The following NUP98 variants were observed in gnomAD, a reference collection of about 807,000 sequenced individuals.
NUP98 encodes the protein nuclear pore complex protein Nup98-Nup96.
In NUP98, 26 loss-of-function variants were observed where a neutral mutation model predicts 191.9. The ratio of observed to expected loss-of-function variants is 0.14; its 90% CI spans 0.10 to 0.19. The LOEUF is 0.19. Ranked by LOEUF, NUP98 falls within the 10% of genes least tolerant of loss-of-function variation. NUP98 has a pLI of 1.00. For synonymous variants in NUP98, 808 were observed against 778.4 expected (o/e 1.04, Z -0.63); for missense variants, 1,941 against 2,178.8 (o/e 0.89, Z 2.17).
intron 18 of NUP98, among the ~76,000 whole-genome samples, chr11:3,716,639 C>A (rs1048390662): frequency 6.6e-6 from 1 of 151,880 alleles, no homozygotes; most frequent in African/African-American, 2.4e-5. Flanking sequence ...AACCTGGGGG[C>A]AGAGGTTGCA....
Position 3,686,309 on chromosome 11 carries a change from T to C in NUP98, c.4455-115A>G, listed in dbSNP as rs1589956343. The C allele has an allele frequency of 7.2e-6, 6 of 835,830 alleles. No homozygotes were observed. In the East Asian group the frequency reaches 1.3e-4, roughly 18 times the overall value. The allele number at this position is 835,830 out of a possible 1,614,324, so 51.8% of individuals were successfully genotyped here. On this transcript the variant is annotated intron_variant, in intron 28 of 32. Coordinates refer to ENST00000324932, the MANE Select transcript of NUP98 (RefSeq NM_016320.5). ...AAAGAACCTGAGAGTGAAAGCATTA[T>C]AGGCCTTCTCTCCCTCTGAGCCTAT...
intron 18 of NUP98, among the ~76,000 whole-genome samples, chr11:3,716,195 T>C (rs1419740655): frequency 6.6e-6 from 1 of 152,134 alleles, no homozygotes; most frequent in African/African-American, 2.4e-5. Flanking sequence ...CTTCTAAGAG[T>C]TGTAAATTTT....
intron 28 of NUP98, among the ~76,000 whole-genome samples, chr11:3,687,219 G>A (rs1015264007): frequency 2.0e-5 from 3 of 152,052 alleles, no homozygotes; most frequent in South Asian, 2.1e-4. Flanking sequence ...TAGGCATGAC[G>A]CACCATACCT....
At chr11:3,717,144 G>A (rs999377343) in intron 18 of NUP98, among the ~76,000 whole-genome samples, 6 of 152,156 alleles carry the variant, frequency 3.9e-5, no homozygotes, top group African/African-American at 9.6e-5. Context: ...ACAGGTATGC[G>A]CCACCACGTC....
At chr11:3,737,825 C>G (rs1403147769) in intron 12 of NUP98, among the ~76,000 whole-genome samples, 1 of 151,652 alleles carries the variant, frequency 6.6e-6, no homozygotes, top group African/African-American at 2.4e-5. Context: ...CAGAGTAAAT[C>G]ATCTGTATTC....
Position 3,731,566 on chromosome 11 carries a change from T to C in NUP98, c.1555A>G (p.Thr519Ala). The C allele has an allele frequency of 1.3e-6, 2 of 1,554,540 alleles. No individual in the cohort carries two copies. The highest frequency in any genetic ancestry group is 1.7e-6 in the Non-Finnish European group (2 of 1,149,226). Residue 519 changes from threonine (T) to alanine (A), a missense_variant, in exon 14 of 33, where the codon ACA becomes GCA. By Grantham distance (58) the Thr-to-Ala change is moderately conservative (BLOSUM62 0). Coordinates refer to ENST00000324932, the MANE Select transcript of NUP98 (RefSeq NM_016320.5). ...PKKKEERLKP[T>A]NPAAQKALTT... is the part of the protein sequence containing the mutation. Reference sequence around the variant, plus strand: ...AGAGCCTTCTGGGCTGCTGGATTTGTTGGTTTCAATCTCTGAAAAACAAAA... The same window carrying C: ...AGAGCCTTCTGGGCTGCTGGATTTGCTGGTTTCAATCTCTGAAAAACAAAA...
chr11:3,695,647 T>C, intron 25 of NUP98, 41 bp from the exon 26 acceptor site: 1 of 1,391,558 alleles, frequency 7.2e-7, no homozygotes, highest in Non-Finnish European at 9.5e-7. Context: ...TACTAAGGGT[T>C]TATGGACTTC....
intron 10 of NUP98, among the ~76,000 whole-genome samples, chr11:3,757,530 G>A (rs1320189544): frequency 6.6e-6 from 1 of 151,978 alleles, no homozygotes; most frequent in East Asian, 1.9e-4. Context: ...CGAGCGTGGT[G>A]GTTCACACCT....
At chr11:3,744,686 A>T (rs2080426425) in intron 11 of NUP98, 37 bp from the exon 12 acceptor site, 1 of 1,579,240 alleles carries the variant, frequency 6.3e-7, no homozygotes, top group Non-Finnish European at 8.6e-7. Context: ...GCACCACAGA[A>T]GATCCTTTCA....
At chr11:3,706,943 T>C (rs1191452053) in intron 20 of NUP98, among the ~76,000 whole-genome samples, 1 of 152,248 alleles carries the variant, frequency 6.6e-6, no homozygotes, top group African/African-American at 2.4e-5. Flanking sequence ...TTACTTGATC[T>C]AGCTAGCAAC....
chr11:3,678,504 T>A (rs904025463), intron 31 of NUP98, among the ~76,000 whole-genome samples: 7 of 152,302 alleles, frequency 4.6e-5, no homozygotes, highest in Admixed American at 4.6e-4. Context: ...GTACTAAGTA[T>A]CTTGGTAGTA....
chr11:3,680,067 C>G (rs1359790119), intron 30 of NUP98, among the ~76,000 whole-genome samples: 1 of 152,234 alleles, frequency 6.6e-6, no homozygotes, highest in Non-Finnish European at 1.5e-5. Flanking sequence ...GAGCCTTCAG[C>G]AAGTCATCTT....
In NUP98 at chr11:3,720,796, T is replaced by C. The variant is rs2079360218; in HGVS notation, c.2176A>G (p.Thr726Ala). 1 of 1,515,034 alleles carries C rather than the reference T, an allele frequency of 6.6e-7. No individual in the cohort carries two copies. The highest frequency in any genetic ancestry group is 2.3e-5 in the East Asian group (1 of 43,492). The allele number at this position is 1,515,034 out of a possible 1,614,324, so 93.8% of individuals were successfully genotyped here. A position where few individuals can be genotyped will look rare whatever the true frequency, so the allele number is the denominator to read the frequency against. ...GCAAGGTCATCCATAGATGGAATAG[T>C]ATAGTAACCAACCTTAGTGAGAATA... ...GIILTKVGYY[T>A]IPSMDDLAKI... Residue 726 changes from threonine to alanine, a missense_variant, in exon 17 of 33, where the codon ACT (threonine) becomes GCT (alanine). Physicochemically the swap from Thr to Ala is moderately conservative, Grantham distance 58 (BLOSUM62 0). Around this residue, in one of 6 missense-constraint regions of NUP98, gnomAD observed 453 missense variants for 438.2 expected, o/e 1.03. Transcript: ENST00000324932.
At chr11:3,709,381 A>C (rs1228501054) in intron 20 of NUP98, among the ~76,000 whole-genome samples, 1 of 152,126 alleles carries the variant, frequency 6.6e-6, no homozygotes, top group Non-Finnish European at 1.5e-5. Flanking sequence ...TCCACAAAAA[A>C]TAATCACTTT....
Position 3,685,990 on chromosome 11 carries a change from C to T in NUP98, c.4659G>A (p.Leu1553=), listed in dbSNP as rs559947580. The T allele has an allele frequency of 3.6e-4, 579 of 1,613,942 alleles. 9 individuals are homozygous for T. The South Asian group carries it at 6.1e-3, about 17-fold the overall frequency. The change falls in exon 29 of 33, where the codon CTG becomes CTA. Residue 1553 remains leucine (L), a synonymous_variant. Transcript: ENST00000324932. ...GLWEWAIFVL[L]HIDNSGIREK... is the part of the protein sequence containing the mutation. ...TCACTCACCCTGAGTTGTCAATGTG[C>T]AGGAGGACAAAGATGGCCCACTCCC...
chr11:3,796,923 T>C (rs2082646870), intron 1 of NUP98, among the ~76,000 whole-genome samples: 1 of 152,218 alleles, frequency 6.6e-6, no homozygotes, highest in Non-Finnish European at 1.5e-5. Flanking sequence ...TTCTCAGATA[T>C]TATCTTAAAA....
At chr11:3,721,917 C>T (rs1478154615) in intron 16 of NUP98, among the ~76,000 whole-genome samples, 2 of 152,038 alleles carry the variant, frequency 1.3e-5, no homozygotes, top group Non-Finnish European at 2.9e-5. Flanking sequence ...CAACATCAGA[C>T]CAAACTCCAG....
chr11:3,740,887 C>T (rs1350690401), intron 12 of NUP98, among the ~76,000 whole-genome samples: 1 of 150,954 alleles, frequency 6.6e-6, no homozygotes, highest in African/African-American at 2.4e-5. Flanking sequence ...GGCGTGACGT[C>T]GGCTCGGTGC....
At chr11:3,685,923 T>C (rs1249555526) in intron 29 of NUP98, 50 bp downstream of exon 29, 4 of 1,393,612 alleles carry the variant, frequency 2.9e-6, no homozygotes, top group Non-Finnish European at 4.1e-6. Flanking sequence ...CCTTTGGAAT[T>C]GCCCTGTAGT....
Sources: gnomAD v4.1 joint callset for allele counts (sites outside exome capture counted in the v4.1 genomes callset) on GRCh38, gnomAD v4.1.1 for gene constraint, gnomAD v4.1.1 regional missense constraint, MANE v1.5 for transcripts, NCBI Gene and HGNC (gene_info 2026-07-23, HGNC 2026-07-21) for gene names.